TNS3: variants seen among roughly 807,000 people sequenced by gnomAD.
TNS3 encodes the protein tensin 3.
Under a neutral mutation model 140.9 loss-of-function variants are expected in TNS3, and 45 were observed. The ratio of observed to expected loss-of-function variants is 0.32; its 90% CI spans 0.25 to 0.41. TNS3 has a LOEUF of 0.41. TNS3 is among the 10% of genes least tolerant of loss of function. The pLI is 1.00. For missense variants in TNS3, 1,716 were observed against 1,906.7 expected (o/e 0.90, Z 1.86); for synonymous variants, 815 against 788.4 (o/e 1.03, Z -0.56).
At chr7:47,358,260 C>T (rs372008644) in intron 17 of TNS3, among the ~76,000 whole-genome samples, 7 of 152,232 alleles carry the variant, frequency 4.6e-5, no homozygotes, top group African/African-American at 1.7e-4. Context: ...GCCTCAGCCT[C>T]CCGAGTAGCT....
At chr7:47,521,126 T>G (rs1421699009) in intron 2 of TNS3, among the ~76,000 whole-genome samples, 1 of 152,108 alleles carries the variant, frequency 6.6e-6, no homozygotes, top group Admixed American at 6.5e-5. Context: ...GGGGAGCAGA[T>G]AGATTCATAA....
chr7:47,357,757 G>A (rs1054456935), intron 17 of TNS3, among the ~76,000 whole-genome samples: 13 of 151,972 alleles, frequency 8.6e-5, no homozygotes, highest in Non-Finnish European at 1.9e-4. Context: ...AACAGAAGGC[G>A]GAAGGGGGGA....
At chr7:47,409,758 T>A (rs939120138) in intron 13 of TNS3, among the ~76,000 whole-genome samples, 2 of 152,048 alleles carry the variant, frequency 1.3e-5, no homozygotes, top group Non-Finnish European at 2.9e-5. Context: ...CCTGGGTTCA[T>A]GCCATTCTCC....
intron 23 of TNS3, 92 bp downstream of exon 23, chr7:47,302,094 C>T (rs940971886): frequency 1.9e-6 from 2 of 1,051,892 alleles, no homozygotes; most frequent in South Asian, 1.3e-5. Flanking sequence ...CACGGCTGCC[C>T]GATGTTCCCA....
At chr7:47,417,331 C>T (rs1794135415) in intron 10 of TNS3, among the ~76,000 whole-genome samples, 1 of 152,228 alleles carries the variant, frequency 6.6e-6, no homozygotes, top group Middle Eastern at 3.2e-3. Context: ...GAAATTGTTG[C>T]CCCTGACACC....
At position 47,310,160 on chromosome 7, in the gene TNS3, CAG is replaced by C. The variant is rs1340451588; in HGVS notation, c.2651-5159_2651-5158del. Among the ~76,000 whole-genome samples, 4 of 152,334 alleles carry C rather than the reference CAG, an allele frequency of 2.6e-5. No individual in the cohort carries two copies. In the East Asian group the frequency reaches 7.7e-4, roughly 29 times the overall value. ...CTCAGAGAAATGAGGACTGCAGAGA[CAG>C]AGTCAACACTCTGAGCATGTTTCCC... On this transcript the variant is annotated intron_variant, in intron 20 of 30. Coordinates refer to ENST00000311160, the MANE Select transcript of TNS3 (RefSeq NM_022748.12).
At chr7:47,564,455 G>A (rs1402507152) in intron 1 of TNS3, among the ~76,000 whole-genome samples, 1 of 151,698 alleles carries the variant, frequency 6.6e-6, no homozygotes, top group Non-Finnish European at 1.5e-5. Flanking sequence ...GACCAACATG[G>A]TGAAATCCCA....
chr7:47,354,962 T>A (rs1051135470), intron 17 of TNS3, among the ~76,000 whole-genome samples: 8 of 152,186 alleles, frequency 5.3e-5, no homozygotes, highest in African/African-American at 1.9e-4. Context: ...CTCCAGACAC[T>A]GGGTGCTACC....
At chr7:47,385,721 G>A (rs995457258) in intron 16 of TNS3, among the ~76,000 whole-genome samples, 2 of 152,124 alleles carry the variant, frequency 1.3e-5, no homozygotes, top group South Asian at 2.1e-4. Flanking sequence ...TGGTTTCCTC[G>A]CAGCCTCTTC....
intron 23 of TNS3, 41 bp downstream of exon 23, chr7:47,302,145 T>C (rs761408322): frequency 1.3e-6 from 2 of 1,548,428 alleles, no homozygotes; most frequent in Non-Finnish European, 1.8e-6. Flanking sequence ...AAGCGGGCAC[T>C]AGGGCAGATG....
At chr7:47,482,964 A>C (rs1461156128) in intron 3 of TNS3, among the ~76,000 whole-genome samples, 1 of 152,140 alleles carries the variant, frequency 6.6e-6, no homozygotes, top group African/African-American at 2.4e-5. Context: ...TAGGGCCATG[A>C]AGCTATTCTG....
chr7:47,460,915 G>A (rs931793070), intron 4 of TNS3, among the ~76,000 whole-genome samples: 1 of 152,218 alleles, frequency 6.6e-6, no homozygotes, highest in African/African-American at 2.4e-5. Context: ...AGGAGGATGT[G>A]CTCTAAACCA....
rs1020367576 is a variant in TNS3 at position 47,424,172 on chromosome 7, G to C, written c.402C>G (p.Ala134=). ...FTNVSASADQ[A]LDRFAMKKFY... is the part of the protein sequence containing the mutation. ...ACTTCTTCATTGCAAACCTGTCAAG[G>C]GCCTGGTCGGCGCTGAAGGGGAGAG... is the stretch of plus-strand genomic sequence containing the variant. Residue 134 remains alanine (A), a synonymous_variant, in exon 10 of 31, where the codon GCC becomes GCG. Transcript: ENST00000311160. 8.1e-6 allele frequency: 13 copies of C among 1,613,938 alleles called. No individual in the cohort carries two copies. In the African/African-American group the frequency reaches 1.2e-4, roughly 15 times the overall value.
chr7:47,358,330 G>A (rs534783859), intron 17 of TNS3, among the ~76,000 whole-genome samples: 7 of 152,086 alleles, frequency 4.6e-5, no homozygotes, highest in Non-Finnish European at 1.5e-5. Context: ...GTAGAGATGA[G>A]GTTTCATCAT....
Position 47,346,236 on chromosome 7 carries a change from T to C in TNS3, c.2402A>G (p.Asp801Gly). The C allele has an allele frequency of 1.2e-6, 2 of 1,614,134 alleles. No individual in the cohort carries two copies. Among genetic ancestry groups the C allele is most frequent in the South Asian group, 2.2e-5 (2 of 91,088 alleles). ...SKCAWGKAGV[D>G]YAPNLPPFPS... ...GAATGGCGGCAGGTTTGGGGCATAGTCCACACCAGCCTTTCCCCATGCACA... is the reference window on the plus strand; with the variant it reads ...GAATGGCGGCAGGTTTGGGGCATAGCCCACACCAGCCTTTCCCCATGCACA... Residue 801 changes from aspartate (D) to glycine (G), a missense_variant, in exon 18 of 31, where the codon GAC becomes GGC. By Grantham distance (94) the Asp-to-Gly change is moderately conservative. Transcript: ENST00000311160.
At chr7:47,340,008 CTA>C (rs1584434563) in intron 20 of TNS3, among the ~76,000 whole-genome samples, 4 of 136,266 alleles carry the variant, frequency 2.9e-5, no homozygotes, top group Middle Eastern at 4.5e-3. Flanking sequence ...TATGCCACCT[CTA>C]TGTCCTTTTC....
At chr7:47,297,665 T>C (rs1333972978) in intron 23 of TNS3, among the ~76,000 whole-genome samples, 1 of 151,950 alleles carries the variant, frequency 6.6e-6, no homozygotes, top group East Asian at 1.9e-4. Context: ...AAACAGGCAG[T>C]GGGAGGGAGG....
intron 13 of TNS3, chr7:47,405,508 T>C (rs1449232471): frequency 1.4e-6 from 1 of 703,016 alleles, no homozygotes. Context: ...CATGATTTCT[T>C]CACTTGGAGC....
Position 47,545,141 on chromosome 7 carries a change from A to ATTT in TNS3, c.-264-15997_-264-15995dup, listed in dbSNP as rs34499360. On this transcript the variant is annotated intron_variant, in intron 1 of 30. Coordinates refer to ENST00000311160, the MANE Select transcript of TNS3 (RefSeq NM_022748.12). ...AATACATTGAGATGCGTAAGAGGGC[A>ATTT]TTTTTTTTTTTTTTTTTTTGAGACG... Among the ~76,000 whole-genome samples, 1,101 of 121,938 alleles carry ATTT rather than the reference A, an allele frequency of 9.0e-3. 38 individuals are homozygous for ATTT. Among genetic ancestry groups the ATTT allele is most frequent in the African/African-American group, 0.019 (625 of 32,594 alleles). The allele number at this position is 121,938 out of a possible 152,430, so 80.0% of individuals were successfully genotyped here.
Sources: allele counts gnomAD v4.1 joint callset (sites outside exome capture counted in the v4.1 genomes callset), GRCh38; gene constraint gnomAD v4.1.1; transcripts MANE v1.5; gene names NCBI Gene and HGNC (gene_info 2026-07-23, HGNC 2026-07-21).